NRG1: variants seen among roughly 807,000 people sequenced by gnomAD.
NRG1 encodes the protein pro-neuregulin-1, membrane-bound isoform.
In NRG1, 18 loss-of-function variants were observed where a neutral mutation model predicts 63.8. The ratio of observed to expected loss-of-function variants is 0.28; its 90% confidence interval spans 0.19 to 0.42. NRG1 has a LOEUF of 0.42. Among genes scored for constraint, NRG1 ranks in the 10% least tolerant of loss-of-function variants. The probability of loss-of-function intolerance (pLI) is 1.00; values close to 1 mark genes in which losing one functional copy is unlikely to be tolerated. For synonymous variants in NRG1, 302 were observed against 301.3 expected, an observed-to-expected ratio of 1.00 and a Z score of -0.02; for missense variants, 762 against 814.7, an observed-to-expected ratio of 0.94 and a Z score of 0.79.
intron 1 of NRG1, among the ~76,000 whole-genome samples, chr8:32,197,002 C>A (rs1488455306): frequency 8.6e-6 from 1 of 116,150 alleles, no homozygotes; most frequent in Non-Finnish European, 1.7e-5. Context: ...CTCTGTCACC[C>A]AGGCTGGAGT....
intron 1 of NRG1, among the ~76,000 whole-genome samples, chr8:32,257,150 G>A (rs1417287467): frequency 6.6e-6 from 1 of 152,136 alleles, no homozygotes; most frequent in East Asian, 1.9e-4. Flanking sequence ...AAGCTAGAGT[G>A]TCCCAGGTGG....
At chr8:32,510,641 A>C (rs1829067386) in intron 1 of NRG1, among the ~76,000 whole-genome samples, 1 of 152,156 alleles carries the variant, frequency 6.6e-6, no homozygotes. Flanking sequence ...TGGAGAAGAC[A>C]TGGCTGTGCT....
chr8:31,941,312 A>G (rs544396862), intron 1 of NRG1, among the ~76,000 whole-genome samples: 2 of 152,274 alleles, frequency 1.3e-5, no homozygotes, highest in African/African-American at 4.8e-5. Context: ...GATTGTCTCA[A>G]TAGACACAGA....
intron 1 of NRG1, among the ~76,000 whole-genome samples, chr8:32,594,173 A>G (rs1842975694): frequency 6.6e-6 from 1 of 152,202 alleles, no homozygotes; most frequent in African/African-American, 2.4e-5. Context: ...TGAGTAGGAA[A>G]GGTCTCCATT....
intron 1 of NRG1, among the ~76,000 whole-genome samples, chr8:31,734,914 T>G (rs926557774): frequency 1.3e-5 from 2 of 152,174 alleles, no homozygotes; most frequent in Non-Finnish European, 2.9e-5. Flanking sequence ...ATCCCTATTA[T>G]GACTCTAAGG....
At chr8:32,019,845 A>G (rs936147554) in intron 1 of NRG1, among the ~76,000 whole-genome samples, 1 of 152,094 alleles carries the variant, frequency 6.6e-6, no homozygotes, top group Middle Eastern at 3.2e-3. Flanking sequence ...TAAACCATAT[A>G]CCTGTGGGTC....
intron 1 of NRG1, among the ~76,000 whole-genome samples, chr8:31,859,911 T>A (rs962618901): frequency 5.3e-5 from 8 of 152,196 alleles, no homozygotes; most frequent in Admixed American, 5.2e-4. Flanking sequence ...TGTGTCTAGA[T>A]TTGGAAAATA....
At chr8:32,029,387 A>G (rs1482909014) in intron 1 of NRG1, 3 of 152,220 alleles carry the variant, frequency 2.0e-5, no homozygotes, top group Non-Finnish European at 4.4e-5. Context: ...AGAATCGGGC[A>G]GCCATTAGAA....
intron 5 of NRG1, among the ~76,000 whole-genome samples, chr8:32,683,553 C>T (rs1269682775): frequency 6.6e-6 from 1 of 152,096 alleles, no homozygotes; most frequent in African/African-American, 2.4e-5. Context: ...ATTCAGACTC[C>T]ACATTCTGCC....
intron 1 of NRG1, among the ~76,000 whole-genome samples, chr8:31,808,554 G>GT (rs1407207174): frequency 6.6e-5 from 10 of 151,786 alleles, no homozygotes; most frequent in Admixed American, 4.6e-4. Context: ...ATTAATTGAG[G>GT]TTTTTTGTGC....
At chr8:31,806,555 C>T (rs190061307) in intron 1 of NRG1, among the ~76,000 whole-genome samples, 1 of 152,254 alleles carries the variant, frequency 6.6e-6, no homozygotes, top group East Asian at 1.9e-4. Flanking sequence ...CAGTAAGATG[C>T]TGCAATTTAT....
Position 32,645,953 on chromosome 8 carries a change from G to C in NRG1, c.502+29068G>C, listed in dbSNP as rs746142877. Among the ~76,000 whole-genome samples the C allele has an allele frequency of 2.0e-5, 3 of 152,150 alleles. No individual in the cohort carries two copies. In the East Asian group the frequency reaches 5.8e-4, roughly 29 times the overall value. The stretch of plus-strand genomic sequence containing the variant: ...AAGCTCCTGAAACCTAACCCAAAAG[G>C]CATGCTCTCATAGAAAACTCTTCTT... On this transcript the variant is annotated intron_variant, in intron 5 of 11. Coordinates refer to ENST00000356819, the Ensembl canonical transcript of NRG1.
intron 1 of NRG1, among the ~76,000 whole-genome samples, chr8:32,423,680 C>A (rs1816977005): frequency 6.6e-6 from 1 of 152,070 alleles, no homozygotes; most frequent in Admixed American, 6.6e-5. Context: ...AAAGTCACAA[C>A]TTTTTCCTCT....
At chr8:31,860,908 G>C (rs893634952) in intron 1 of NRG1, among the ~76,000 whole-genome samples, 7 of 152,124 alleles carry the variant, frequency 4.6e-5, no homozygotes, top group East Asian at 1.9e-4. Flanking sequence ...GTGTCGAATA[G>C]GGTAGGAGAG....
exon 10 of NRG1, chr8:32,759,357 G>A (rs2129057205): frequency 6.2e-7 from 1 of 1,613,934 alleles, no homozygotes; most frequent in Admixed American, 1.7e-5. Context: ...TGAGAGAGAA[G>A]CAGAGACATC....
At chr8:32,226,991 T>G (rs1846392513) in intron 1 of NRG1, among the ~76,000 whole-genome samples, 2 of 152,224 alleles carry the variant, frequency 1.3e-5, no homozygotes. Context: ...ATTTTGTTTA[T>G]TGTTTGAGAA....
chr8:32,754,939 T>C (rs1372183833), intron 8 of NRG1, among the ~76,000 whole-genome samples: 1 of 152,192 alleles, frequency 6.6e-6, no homozygotes, highest in African/African-American at 2.4e-5. Context: ...AAAGGACTAC[T>C]GAGAACAAAT....
intron 3 of NRG1, chr8:32,614,268 C>T: frequency 2.7e-6 from 1 of 363,974 alleles, no homozygotes; most frequent in Non-Finnish European, 5.0e-6. Flanking sequence ...CAAGTGGAGG[C>T]AGTGAATGCT....
intron 1 of NRG1, among the ~76,000 whole-genome samples, chr8:32,042,972 G>GTGTGTGTGTGTGTA (rs1218035544): frequency 1.7e-4 from 26 of 151,728 alleles, no homozygotes; most frequent in African/African-American, 6.3e-4. Flanking sequence ...GTGTGTGTGT[G>GTGTGTGTGTGTGTA]TGTGTGTGTG....
Sources: allele counts gnomAD v4.1 joint callset (sites outside exome capture counted in the v4.1 genomes callset), GRCh38; gene constraint gnomAD v4.1.1; transcripts MANE v1.5; gene names NCBI Gene and HGNC (gene_info 2026-07-23, HGNC 2026-07-21).